AGBL1: variants seen among roughly 807,000 people sequenced by gnomAD.
AGBL1 encodes the protein AGBL carboxypeptidase 1.
AGBL1 carries 130 observed loss-of-function variants against 118.9 expected under a neutral mutation model. The ratio of observed to expected loss-of-function variants is 1.09; its 90% CI spans 0.95 to 1.26. The LOEUF (loss-of-function observed/expected upper bound fraction) is 1.26, where lower values mean the gene tolerates loss of function less well. AGBL1 is among the 50% of genes most tolerant of loss of function. The pLI, the probability that AGBL1 is intolerant of heterozygous loss-of-function variation, is 0.00. For missense variants in AGBL1, 1,584 were observed against 1,298.1 expected, an observed-to-expected ratio of 1.22 and a Z score of -3.38; for synonymous variants, 555 against 478.9, an observed-to-expected ratio of 1.16 and a Z score of -2.08.
chr15:86,081,687 T>C (rs1284333413), intron 1 of AGBL1, among the ~76,000 whole-genome samples: 1 of 152,252 alleles, frequency 6.6e-6, no homozygotes, highest in African/African-American at 2.4e-5. Context: ...TTCTGAGACC[T>C]CTTCTAATTT....
chr15:86,864,111 C>T (rs1267948199), intron 22 of AGBL1, among the ~76,000 whole-genome samples: 1 of 152,136 alleles, frequency 6.6e-6, no homozygotes, highest in South Asian at 2.1e-4. Flanking sequence ...GAAGCCAAAA[C>T]ACCTCTGAAA....
intron 16 of AGBL1, among the ~76,000 whole-genome samples, chr15:86,285,477 A>C (rs2079427689): frequency 6.6e-6 from 1 of 152,118 alleles, no homozygotes; most frequent in Non-Finnish European, 1.5e-5. Flanking sequence ...AAGTCTCATG[A>C]GATCTGATCA....
chr15:86,963,886 C>T (rs1424624086), intron 23 of AGBL1, among the ~76,000 whole-genome samples: 1 of 151,780 alleles, frequency 6.6e-6, no homozygotes, highest in African/African-American at 2.4e-5. Flanking sequence ...ACTTATAAAG[C>T]CAGAGATAAG....
intron 21 of AGBL1, among the ~76,000 whole-genome samples, chr15:86,581,505 T>C (rs1037040351): frequency 4.6e-5 from 7 of 152,206 alleles, no homozygotes; most frequent in African/African-American, 7.2e-5. Flanking sequence ...AAAGAGGCCA[T>C]TGCAAAAACC....
chr15:86,612,847 G>C (rs1262376762), intron 21 of AGBL1, among the ~76,000 whole-genome samples: 1 of 152,100 alleles, frequency 6.6e-6, no homozygotes, highest in Non-Finnish European at 1.5e-5. Context: ...AAGAACCTTG[G>C]CTTCTGCAAT....
chr15:86,675,418 C>T (rs1056583053), intron 22 of AGBL1, among the ~76,000 whole-genome samples: 9 of 152,140 alleles, frequency 5.9e-5, no homozygotes, highest in Admixed American at 4.6e-4. Flanking sequence ...CTTAATACTG[C>T]TTTGGAAGGC....
At chr15:86,441,317 G>T (rs10438421) in intron 18 of AGBL1, among the ~76,000 whole-genome samples, 1 of 152,030 alleles carries the variant, frequency 6.6e-6, no homozygotes, top group South Asian at 2.1e-4. Flanking sequence ...TATTGACCTA[G>T]TGTTTTTCCT....
intron 6 of AGBL1, among the ~76,000 whole-genome samples, chr15:86,237,086 G>C (rs548525702): frequency 6.6e-6 from 1 of 152,222 alleles, no homozygotes; most frequent in South Asian, 2.1e-4. Context: ...AGCTCTAAAA[G>C]CCGGGCCTTT....
intron 22 of AGBL1, among the ~76,000 whole-genome samples, chr15:86,809,294 A>C (rs147124909): frequency 6.4e-4 from 97 of 152,184 alleles, no homozygotes; most frequent in African/African-American, 2.1e-3. Flanking sequence ...TTACTACCAA[A>C]GTCTTCCCCA....
Position 86,266,454 on chromosome 15 carries a change from C to T in AGBL1, c.1748C>T (p.Pro583Leu), listed in dbSNP as rs769332140. 20 of 1,561,368 alleles carry T rather than the reference C, an allele frequency of 1.3e-5. No homozygotes were observed. Among genetic ancestry groups the T allele is most frequent in the Non-Finnish European group, 1.6e-5 (18 of 1,150,312 alleles). The change falls in exon 12 of 23, where the codon CCT becomes CTT. Residue 583 changes from proline (P) to leucine (L), a missense_variant. Coordinates refer to ENST00000614907, the MANE Select transcript of AGBL1 (RefSeq NM_001386094.1). Reference protein sequence around the residue: ...INKVVFSLDEPWPLQDNASNC... With the variant: ...INKVVFSLDELWPLQDNASNC... ...AAAGTTGTCTTCAGTTTAGATGAGC[C>T]TTGGTAGGTAGTCTCGTGCATCTGA...
At chr15:86,352,930 G>T (rs1359174394) in intron 17 of AGBL1, among the ~76,000 whole-genome samples, 1 of 152,074 alleles carries the variant, frequency 6.6e-6, no homozygotes, top group African/African-American at 2.4e-5. Context: ...GTCTTAAGAG[G>T]ATCATGCTTT....
At chr15:86,836,248 C>T (rs192545710) in intron 22 of AGBL1, among the ~76,000 whole-genome samples, 11 of 152,138 alleles carry the variant, frequency 7.2e-5, no homozygotes, top group Non-Finnish European at 2.9e-5. Flanking sequence ...CAATAGGCCC[C>T]ATGGGTAGCC....
chr15:86,691,612 CATT>C (rs1261515128), intron 22 of AGBL1, among the ~76,000 whole-genome samples: 2 of 152,002 alleles, frequency 1.3e-5, no homozygotes, highest in African/African-American at 2.4e-5. Context: ...GGGTTTCAGA[CATT>C]ATAAAATCTG....
chr15:86,351,839 A>G (rs983366939), intron 17 of AGBL1, among the ~76,000 whole-genome samples: 6 of 152,206 alleles, frequency 3.9e-5, no homozygotes, highest in African/African-American at 1.4e-4. Flanking sequence ...TAAATATGAC[A>G]TTAGAAATAT....
chr15:86,724,944 C>T (rs1443234854), intron 22 of AGBL1, among the ~76,000 whole-genome samples: 1 of 152,274 alleles, frequency 6.6e-6, no homozygotes, highest in East Asian at 1.9e-4. Context: ...GCCTGCAGAA[C>T]CATGAGCCAA....
intron 17 of AGBL1, among the ~76,000 whole-genome samples, chr15:86,379,359 T>G (rs763258564): frequency 3.4e-4 from 51 of 152,222 alleles, no homozygotes; most frequent in Admixed American, 5.9e-4. Context: ...CTTCATTATT[T>G]CCATCTTTCT....
At chr15:87,021,428 A>G (rs1169557298) in intron 24 of AGBL1, among the ~76,000 whole-genome samples, 1 of 152,196 alleles carries the variant, frequency 6.6e-6, no homozygotes, top group African/African-American at 2.4e-5. Context: ...TTTAGGAAAT[A>G]GGCATGGGCA....
At chr15:86,922,087 T>C (rs928517408) in intron 23 of AGBL1, among the ~76,000 whole-genome samples, 1 of 152,152 alleles carries the variant, frequency 6.6e-6, no homozygotes, top group Non-Finnish European at 1.5e-5. Context: ...TGTAGGAGGA[T>C]GAAGATATAT....
At chr15:86,675,990 C>G (rs2085839809) in intron 22 of AGBL1, among the ~76,000 whole-genome samples, 1 of 152,102 alleles carries the variant, frequency 6.6e-6, no homozygotes, top group Non-Finnish European at 1.5e-5. Flanking sequence ...AATACAATGG[C>G]TGCTATATAG....
Sources: gnomAD v4.1 joint callset for allele counts (sites outside exome capture counted in the v4.1 genomes callset) on GRCh38, gnomAD v4.1.1 for gene constraint, MANE v1.5 for transcripts, NCBI Gene and HGNC (gene_info 2026-07-23, HGNC 2026-07-21) for gene names.